Variants in FBN2 observed in about 807,000 individuals in gnomAD.
FBN2 encodes fibrillin-2.
In FBN2, 105 loss-of-function variants were observed where a neutral mutation model predicts 355.6. That is an observed-to-expected ratio of 0.30 (90% CI 0.25 to 0.35). The LOEUF is 0.35. Among genes scored for constraint, FBN2 ranks in the 10% least tolerant of loss-of-function variants. The probability of loss-of-function intolerance (pLI) is 1.00; values close to 1 mark genes in which losing one functional copy is unlikely to be tolerated. For missense variants in FBN2, 3,280 were observed against 3,758.7 expected, an observed-to-expected ratio of 0.87 and a Z score of 3.33; for synonymous variants, 1,350 against 1,301.2, an observed-to-expected ratio of 1.04 and a Z score of -0.81.
In FBN2 at chr5:128,464,747, T is replaced by C. The variant is rs760817242; in HGVS notation, c.803A>G (p.Asn268Ser). The C allele has an allele frequency of 6.0e-5, 97 of 1,613,720 alleles. No individual in the cohort carries two copies. Among genetic ancestry groups the C allele is most frequent in the Non-Finnish European group, 7.0e-5 (83 of 1,179,968 alleles). Residue 268 changes from asparagine (N) to serine (S), a missense_variant, in exon 6 of 65, where the codon AAC becomes AGC. Physicochemically the swap from Asn to Ser is conservative, Grantham distance 46. Coordinates refer to ENST00000262464, the MANE Select transcript of FBN2 (RefSeq NM_001999.4). ...PQPCRRGFIP[N>S]IRTGACQDVD... The stretch of plus-strand genomic sequence containing the variant: ...ACCTTGGCAAGCTCCAGTGCGGATG[T>C]TGGGGATGAAACCCCGTCGGCAGGG...
At chr5:128,497,766 A>G (rs1247566138) in intron 5 of FBN2, among the ~76,000 whole-genome samples, 1 of 152,202 alleles carries the variant, frequency 6.6e-6, no homozygotes, top group Non-Finnish European at 1.5e-5. Flanking sequence ...ATCTCCAAAC[A>G]GTTTTAACTG....
At chr5:128,361,407 G>A (rs1751634974) in intron 19 of FBN2, among the ~76,000 whole-genome samples, 1 of 152,158 alleles carries the variant, frequency 6.6e-6, no homozygotes, top group South Asian at 2.1e-4. Flanking sequence ...GGAAAACACA[G>A]TAAACAAATA....
At chr5:128,422,254 G>T (rs1449910255) in intron 7 of FBN2, among the ~76,000 whole-genome samples, 2 of 152,100 alleles carry the variant, frequency 1.3e-5, no homozygotes, top group Non-Finnish European at 1.5e-5. Flanking sequence ...ACAGCAAAAA[G>T]AAACTAGTAT....
intron 45 of FBN2, among the ~76,000 whole-genome samples, chr5:128,304,491 C>G (rs999401898): frequency 2.0e-5 from 3 of 152,178 alleles, no homozygotes; most frequent in Admixed American, 6.5e-5. Context: ...GTACATAAAT[C>G]CCACTATTCA....
intron 5 of FBN2, among the ~76,000 whole-genome samples, chr5:128,491,118 T>A (rs1404087732): frequency 6.6e-6 from 1 of 152,194 alleles, no homozygotes; most frequent in Non-Finnish European, 1.5e-5. Flanking sequence ...TTACAGATTT[T>A]CAGGTAAGGA....
In FBN2 at chr5:128,369,640, T is replaced by G. The variant is rs115985327; in HGVS notation, c.2096-306A>C. Among the ~76,000 whole-genome samples, 553 of 152,318 alleles carry G rather than the reference T, an allele frequency of 3.6e-3. 4 individuals carry two copies. The highest frequency in any genetic ancestry group is 0.013 in the African/African-American group (520 of 41,562). On this transcript the variant is annotated intron_variant, in intron 15 of 64. Transcript: ENST00000262464. Reference sequence around the variant, plus strand: ...GAAACCTAGGATATTTCCACAGTTATAAAGAATACTTGGAGCTCTAATCAC... The same window carrying G: ...GAAACCTAGGATATTTCCACAGTTAGAAAGAATACTTGGAGCTCTAATCAC...
In FBN2 at chr5:128,345,458, T is replaced by A. The variant is rs1057524269; in HGVS notation, c.3116A>T (p.Glu1039Val). Residue 1039 changes from glutamate (E) to valine (V), a missense_variant, in exon 24 of 65, where the codon GAG becomes GTG. By Grantham distance (121) the Glu-to-Val change is moderately radical. Transcript: ENST00000262464. ...TTCCTTGGTGCCAGGTTTGGGGCAC[T>A]CCTCACACTCGGTGCCCCAAGCCGC... ...VGAAWGTECE[E>V]CPKPGTKEYE... 1 of 1,613,854 alleles carries A rather than the reference T, an allele frequency of 6.2e-7. No homozygotes were observed. The highest frequency in any genetic ancestry group is 8.5e-7 in the Non-Finnish European group (1 of 1,179,932).
intron 55 of FBN2, among the ~76,000 whole-genome samples, chr5:128,280,734 C>T (rs958623635): frequency 5.3e-5 from 8 of 151,972 alleles, no homozygotes; most frequent in Non-Finnish European, 7.4e-5. Context: ...GTAAAAGCCT[C>T]ACAGGCCAGG....
At chr5:128,387,539 C>T (rs1268584142) in intron 11 of FBN2, among the ~76,000 whole-genome samples, 1 of 151,726 alleles carries the variant, frequency 6.6e-6, no homozygotes, top group Non-Finnish European at 1.5e-5. Flanking sequence ...TTTTTAGTTC[C>T]TCCAGGTGTG....
chr5:128,501,755 A>G (rs183896406), intron 5 of FBN2, among the ~76,000 whole-genome samples: 181 of 152,302 alleles, frequency 1.2e-3, no homozygotes, highest in African/African-American at 4.2e-3. Context: ...AAGATATCTT[A>G]TATGATTATA....
intron 3 of FBN2, among the ~76,000 whole-genome samples, chr5:128,528,796 A>G (rs1756634763): frequency 6.6e-6 from 1 of 152,226 alleles, no homozygotes; most frequent in Admixed American, 6.5e-5. Flanking sequence ...TGTAATCTAT[A>G]TTTTAAAAAG....
At position 128,369,235 on chromosome 5, in the gene FBN2, T is replaced by C. The variant is rs1303766405; in HGVS notation, c.2195A>G (p.Asn732Ser). 6.2e-7 allele frequency: 1 copy of C among 1,613,990 alleles called. No individual in the cohort carries two copies. The highest frequency in any genetic ancestry group is 1.3e-5 in the African/African-American group (1 of 74,892). ...AVTKSECCCA[N>S]PDYGFGEPCQ... The stretch of plus-strand genomic sequence containing the variant: ...GGGTTCTCCAAAACCATAGTCTGGA[T>C]TGGCACAGCAGCATTCGGACTTGGT... The change falls in exon 16 of 65, where the codon AAT becomes AGT. Residue 732 changes from asparagine (N) to serine (S), a missense_variant. Coordinates refer to ENST00000262464, the MANE Select transcript of FBN2 (RefSeq NM_001999.4).
chr5:128,280,647 A>G (rs1765513150), intron 55 of FBN2, among the ~76,000 whole-genome samples: 1 of 152,160 alleles, frequency 6.6e-6, no homozygotes, highest in Admixed American at 6.5e-5. Flanking sequence ...TCTGGGGAAA[A>G]GAATGTCAGT....
rs566740554 is a variant in FBN2 at position 128,355,013 on chromosome 5, C to T, written c.2674+2263G>A. 4.2e-4 allele frequency among the ~76,000 whole-genome samples: 64 copies of T among 152,108 alleles called. 1 individual carries two copies. The highest frequency in any genetic ancestry group is 1.4e-3 in the African/African-American group (60 of 41,494). On this transcript the variant is annotated intron_variant, in intron 20 of 64. Transcript: ENST00000262464. ...AGAAAGAGAAACAGAGGTCCAAAGACGGACTGGTGGAACACTTCAGGTTAA... is the reference window on the plus strand; with the variant it reads ...AGAAAGAGAAACAGAGGTCCAAAGATGGACTGGTGGAACACTTCAGGTTAA...
rs73345260 is a variant in FBN2 at position 128,372,411 on chromosome 5, C to T, written c.2095+2217G>A. Among the ~76,000 whole-genome samples, 717 of 152,230 alleles carry T rather than the reference C, an allele frequency of 4.7e-3. 3 individuals are homozygous for T. The highest frequency in any genetic ancestry group is 0.016 in the African/African-American group (684 of 41,530). ...AAACAAAAACACATCTTAATATCTA[C>T]AGAAGAAAAATGAACAAACAAAAAA... is the stretch of plus-strand genomic sequence containing the variant. On this transcript the variant is annotated intron_variant, in intron 15 of 64. Coordinates refer to ENST00000262464, the MANE Select transcript of FBN2 (RefSeq NM_001999.4).
In FBN2 at chr5:128,395,284, T is replaced by C. The variant is rs766920012; in HGVS notation, c.1079-10A>G. ...ATGCCTGTTCTCTGATCTGTGCATGTATAAATAAGACAGAAGATATGGCAG... is the reference window on the plus strand; with the variant it reads ...ATGCCTGTTCTCTGATCTGTGCATGCATAAATAAGACAGAAGATATGGCAG... On this transcript the variant is annotated splice_polypyrimidine_tract_variant and intron_variant, in intron 8 of 64. Transcript: ENST00000262464. 5 of 1,614,024 alleles carry C rather than the reference T, an allele frequency of 3.1e-6. No individual in the cohort carries two copies. In the East Asian group the frequency reaches 1.1e-4, roughly 36 times the overall value.
At chr5:128,275,258 A>G (rs545332537) in intron 59 of FBN2, among the ~76,000 whole-genome samples, 5 of 152,266 alleles carry the variant, frequency 3.3e-5, no homozygotes, top group Non-Finnish European at 7.4e-5. Flanking sequence ...TGGAAACTAT[A>G]TTTAAAATAA....
chr5:128,484,848 G>A (rs957030540), intron 5 of FBN2, among the ~76,000 whole-genome samples: 2 of 152,120 alleles, frequency 1.3e-5, no homozygotes, highest in African/African-American at 4.8e-5. Flanking sequence ...GCACTCCGTA[G>A]CCCAACTACT....
intron 34 of FBN2, among the ~76,000 whole-genome samples, chr5:128,322,676 T>C (rs533454073): frequency 1.2e-4 from 19 of 152,206 alleles, no homozygotes; most frequent in Admixed American, 9.8e-4. Context: ...CATGCTGTTA[T>C]GGTTACTGTG....
Sources: gnomAD v4.1 joint callset for allele counts (sites outside exome capture counted in the v4.1 genomes callset) on GRCh38, gnomAD v4.1.1 for gene constraint, MANE v1.5 for transcripts, NCBI Gene and HGNC (gene_info 2026-07-23, HGNC 2026-07-21) for gene names.